Variants in SNX18 observed in about 807,000 individuals in gnomAD.
SNX18 encodes sorting nexin 18.
SNX18 carries 35 observed loss-of-function variants against 48.7 expected under a neutral mutation model. The observed-to-expected ratio is 0.72, with a 90% confidence interval of 0.55 to 0.95. The LOEUF is 0.95. SNX18 is among the 40% of genes least tolerant of loss of function. The pLI, the probability that SNX18 is intolerant of heterozygous loss-of-function variation, is 0.00. For missense variants in SNX18, 824 were observed against 871.0 expected (o/e 0.95, Z 0.68); for synonymous variants, 492 against 384.7 (o/e 1.28, Z -3.26).
chr5:54,530,209 A>G (rs77102466), intron 1 of SNX18, among the ~76,000 whole-genome samples: 11,262 of 152,280 alleles, frequency 0.074, 501 homozygotes, highest in East Asian at 0.17. Context: ...ACCCTAACCT[A>G]GAATGACCTT....
At chr5:54,606,284 T>C in the SNX18 span, among the ~76,000 whole-genome samples, 4 of 152,364 alleles carry the variant, frequency 2.6e-5, no homozygotes, top group Admixed American at 2.6e-4. Context: ...TATAAATGGT[T>C]ATCAGATAAT....
At chr5:54,559,515 A>C in the SNX18 span, among the ~76,000 whole-genome samples, 1 of 152,212 alleles carries the variant, frequency 6.6e-6, no homozygotes, top group African/African-American at 2.4e-5. Context: ...ATAACTGGCT[A>C]GCCACATGCA....
the SNX18 span, among the ~76,000 whole-genome samples, chr5:54,566,658 A>C: frequency 6.6e-6 from 1 of 152,198 alleles, no homozygotes; most frequent in Non-Finnish European, 1.5e-5. Flanking sequence ...TCCCATGTTC[A>C]TGTATATGTG....
At chr5:54,553,283 G>T in the SNX18 span, among the ~76,000 whole-genome samples, 3 of 152,162 alleles carry the variant, frequency 2.0e-5, no homozygotes, top group Admixed American at 2.0e-4. Context: ...CACATTGGAG[G>T]CTTCGTGATA....
chr5:54,576,238 T>G, the SNX18 span, among the ~76,000 whole-genome samples: 1 of 152,126 alleles, frequency 6.6e-6, no homozygotes, highest in Non-Finnish European at 1.5e-5. Flanking sequence ...GAGCCGTATG[T>G]GTAATTCCTG....
At chr5:54,520,502 G>A (rs1197638036) in intron 1 of SNX18, 1 of 72,910 alleles carries the variant, frequency 1.4e-5, no homozygotes, top group African/African-American at 4.9e-5. Flanking sequence ...TCCAGTGTAG[G>A]GGCGGCTGGG....
At chr5:54,557,956 C>T in the SNX18 span, among the ~76,000 whole-genome samples, 2 of 152,140 alleles carry the variant, frequency 1.3e-5, no homozygotes, top group Non-Finnish European at 1.5e-5. Context: ...TGGTCTCAAA[C>T]TCCCTGGGCT....
the SNX18 span, among the ~76,000 whole-genome samples, chr5:54,599,588 C>T: frequency 6.6e-6 from 1 of 152,118 alleles, no homozygotes; most frequent in East Asian, 1.9e-4. Flanking sequence ...TCAAACTATA[C>T]TAAAAGGCTA....
the SNX18 span, among the ~76,000 whole-genome samples, chr5:54,587,024 G>A: frequency 6.6e-6 from 1 of 151,746 alleles, no homozygotes; most frequent in Non-Finnish European, 1.5e-5. Flanking sequence ...CCTCTTTTAG[G>A]GAGGAAGTCT....
chr5:54,530,412 T>C (rs1762230721), intron 1 of SNX18, among the ~76,000 whole-genome samples: 1 of 152,120 alleles, frequency 6.6e-6, no homozygotes, highest in Admixed American at 6.5e-5. Flanking sequence ...ACAGAGCTAA[T>C]GAGGAGAGCT....
downstream of SNX18, among the ~76,000 whole-genome samples, chr5:54,550,718 G>T (rs57004070): frequency 0.16 from 24,359 of 151,954 alleles, 2,095 homozygotes; most frequent in East Asian, 0.33. Flanking sequence ...CCGAGTACCT[G>T]GGATTACGGG....
the SNX18 span, among the ~76,000 whole-genome samples, chr5:54,571,185 C>T: frequency 6.6e-6 from 1 of 151,896 alleles, no homozygotes; most frequent in Non-Finnish European, 1.5e-5. Context: ...TTTGTGACTT[C>T]CTCTACGCAG....
At chr5:54,639,454 C>G in the SNX18 span, among the ~76,000 whole-genome samples, 1 of 152,106 alleles carries the variant, frequency 6.6e-6, no homozygotes, top group Non-Finnish European at 1.5e-5. Flanking sequence ...CTTGGTAAAG[C>G]CAATGTCACT....
At chr5:54,596,210 T>C in the SNX18 span, among the ~76,000 whole-genome samples, 5 of 143,816 alleles carry the variant, frequency 3.5e-5, no homozygotes, top group African/African-American at 1.3e-4. Context: ...TAAAATTATG[T>C]GTAGAGTATA....
chr5:54,519,811 T>G, intron 1 of SNX18: 1 of 1,610,992 alleles, frequency 6.2e-7, no homozygotes, highest in Non-Finnish European at 8.5e-7. Flanking sequence ...GTTCAAAGAG[T>G]ACCTTTGATG....
the SNX18 span, among the ~76,000 whole-genome samples, chr5:54,625,772 CT>C: frequency 6.6e-6 from 1 of 152,228 alleles, no homozygotes; most frequent in Middle Eastern, 3.4e-3. Flanking sequence ...CAGTCATTGG[CT>C]CATGGATAGG....
At chr5:54,639,977 T>C in the SNX18 span, among the ~76,000 whole-genome samples, 1 of 152,166 alleles carries the variant, frequency 6.6e-6, no homozygotes, top group Non-Finnish European at 1.5e-5. Flanking sequence ...GGCACTCCAT[T>C]GTAAGGATTC....
Position 54,543,350 on chromosome 5 carries a change from A to G in SNX18, c.1793A>G (p.His598Arg), listed in dbSNP as rs1462890951. 8 of 1,614,196 alleles carry G rather than the reference A, an allele frequency of 5.0e-6. No individual in the cohort carries two copies. Among genetic ancestry groups the G allele is most frequent in the Admixed American group, 1.7e-5 (1 of 60,020 alleles). Residue 598 changes from histidine (H) to arginine (R), a missense_variant, in exon 2 of 2, where the codon CAT (histidine) becomes CGT (arginine). Around this residue, in one of 3 missense-constraint regions of SNX18, gnomAD observed 443 missense variants for 503.6 expected, o/e 0.88. Transcript: ENST00000381410. ...AGAGACTTTAAATCACAGATGCAGC[A>G]TTTCTTACAACAACAAATAATATTT... is the stretch of plus-strand genomic sequence containing the variant. ...RVRDFKSQMQ[H>R]FLQQQIIFFQ...
At position 54,517,917 on chromosome 5, in the gene SNX18, C is replaced by A; in HGVS notation, c.-36C>A. ...CTCAGGTGGGCCTCGGCTCGGGACG[C>A]CGGGAGTCGGGACCGCCAGTCGGGG... is the stretch of plus-strand genomic sequence containing the variant. On this transcript the variant is annotated 5_prime_UTR_variant, in exon 1 of 2. Transcript: ENST00000381410. The A allele has an allele frequency of 6.8e-7, 1 of 1,478,356 alleles. No individual in the cohort carries two copies. The highest frequency in any genetic ancestry group is 8.9e-7 in the Non-Finnish European group (1 of 1,120,144). 91.6% of individuals were successfully genotyped at this position (1,478,356 alleles called of 1,614,324 possible).
Sources: allele counts gnomAD v4.1 joint callset (sites outside exome capture counted in the v4.1 genomes callset), GRCh38; gene constraint gnomAD v4.1.1; regional missense constraint gnomAD v4.1.1; transcripts MANE v1.5; gene names NCBI Gene and HGNC (gene_info 2026-07-23, HGNC 2026-07-21).